RBFOX3: variants seen among roughly 807,000 people sequenced by gnomAD.
RBFOX3 encodes RNA binding fox-1 homolog 3.
In RBFOX3, 17 loss-of-function variants were observed where a neutral mutation model predicts 48.7. The observed-to-expected ratio is 0.35, with a 90% CI of 0.24 to 0.52. The LOEUF (loss-of-function observed/expected upper bound fraction) is 0.52. Among genes scored for constraint, RBFOX3 ranks in the 20% least tolerant of loss-of-function variants. The pLI, the probability that RBFOX3 is intolerant of heterozygous loss-of-function variation, is 0.94. For synonymous variants in RBFOX3, 212 were observed against 209.5 expected, an observed-to-expected ratio of 1.01 and a Z score of -0.10; for missense variants, 382 against 497.5, an observed-to-expected ratio of 0.77 and a Z score of 2.21.
At chr17:79,096,337 C>A (rs576964137) in intron 12 of RBFOX3, among the ~76,000 whole-genome samples, 1 of 152,296 alleles carries the variant, frequency 6.6e-6, no homozygotes, top group East Asian at 1.9e-4. Flanking sequence ...CTGACCGCAG[C>A]GTGGTTAGGG....
At chr17:79,417,142 G>A (rs981146996) in intron 2 of RBFOX3, among the ~76,000 whole-genome samples, 9 of 152,226 alleles carry the variant, frequency 5.9e-5, no homozygotes, top group Admixed American at 2.0e-4. Flanking sequence ...GGAAAGGGGA[G>A]AAGTGGCTGT....
At chr17:79,422,330 C>T (rs910268983) in intron 2 of RBFOX3, among the ~76,000 whole-genome samples, 2 of 151,958 alleles carry the variant, frequency 1.3e-5, no homozygotes, top group East Asian at 1.9e-4. Context: ...GATGCCCAAC[C>T]CCCCTCCCCA....
chr17:79,118,505 G>A (rs2034733180), intron 4 of RBFOX3, among the ~76,000 whole-genome samples: 1 of 152,118 alleles, frequency 6.6e-6, no homozygotes. Flanking sequence ...AACCCAGGAT[G>A]GCCAGAGGCA....
chr17:79,275,584 C>G (rs1353338992), intron 3 of RBFOX3, among the ~76,000 whole-genome samples: 1 of 152,216 alleles, frequency 6.6e-6, no homozygotes, highest in Non-Finnish European at 1.5e-5. Context: ...GGGCCCCTCC[C>G]CAATGGACAC....
At chr17:79,397,668 T>A (rs900783366) in intron 2 of RBFOX3, among the ~76,000 whole-genome samples, 1 of 150,674 alleles carries the variant, frequency 6.6e-6, no homozygotes, top group Non-Finnish European at 1.5e-5. Flanking sequence ...CTCACTGACA[T>A]CTTTTCCTTT....
intron 2 of RBFOX3, among the ~76,000 whole-genome samples, chr17:79,436,959 C>T (rs553174977): frequency 4.6e-5 from 7 of 152,186 alleles, no homozygotes; most frequent in African/African-American, 9.7e-5. Context: ...TGGCCAGAGC[C>T]GCCATCTTCT....
At chr17:79,389,635 T>C (rs766030594) in intron 2 of RBFOX3, among the ~76,000 whole-genome samples, 5 of 152,190 alleles carry the variant, frequency 3.3e-5, no homozygotes, top group Admixed American at 2.0e-4. Flanking sequence ...CACATGAGCA[T>C]GCTGGGCCGG....
intron 2 of RBFOX3, among the ~76,000 whole-genome samples, chr17:79,372,903 T>A (rs1444204969): frequency 6.6e-6 from 1 of 152,102 alleles, no homozygotes; most frequent in African/African-American, 2.4e-5. Context: ...GAAATGAGTC[T>A]ATAACGCAGA....
chr17:79,374,771 G>A (rs1196325970), intron 2 of RBFOX3, among the ~76,000 whole-genome samples: 4 of 152,186 alleles, frequency 2.6e-5, no homozygotes, highest in African/African-American at 9.7e-5. Context: ...TAGCAAAAGG[G>A]TTATTTTCTG....
Position 79,216,655 on chromosome 17 carries a change from C to G in RBFOX3, c.-34+19111G>C, listed in dbSNP as rs74001690. 4.1e-3 allele frequency among the ~76,000 whole-genome samples: 619 copies of G among 152,278 alleles called. 3 individuals are homozygous for G. The highest frequency in any genetic ancestry group is 0.014 in the African/African-American group (595 of 41,564). ...GCAGTGAGCAGAACCCAGGTGGGGACAGGGTCACATGCCCACCCGTTCTGG... is the reference window on the plus strand; with the variant it reads ...GCAGTGAGCAGAACCCAGGTGGGGAGAGGGTCACATGCCCACCCGTTCTGG... On this transcript the variant is annotated intron_variant, in intron 4 of 14. Transcript: ENST00000693108.
intron 1 of RBFOX3, among the ~76,000 whole-genome samples, chr17:79,524,706 A>G (rs889831422): frequency 0.13 from 19,213 of 152,198 alleles, 3,715 homozygotes; most frequent in African/African-American, 0.42. Context: ...CGTGGAGCAG[A>G]CACGGGCACT....
At chr17:79,620,685 A>ACACACACG in the RBFOX3 span, among the ~76,000 whole-genome samples, 4 of 150,034 alleles carry the variant, frequency 2.7e-5, no homozygotes, top group African/African-American at 1.0e-4. Flanking sequence ...ACGCACATGC[A>ACACACACG]CACATGTGCC....
At chr17:79,318,239 A>C (rs2077816030) in intron 2 of RBFOX3, among the ~76,000 whole-genome samples, 1 of 152,194 alleles carries the variant, frequency 6.6e-6, no homozygotes, top group African/African-American at 2.4e-5. Flanking sequence ...CTCAGCCAGC[A>C]GCCAAGAAGT....
At chr17:79,376,570 C>CA (rs1313165917) in intron 2 of RBFOX3, among the ~76,000 whole-genome samples, 2 of 152,166 alleles carry the variant, frequency 1.3e-5, no homozygotes, top group African/African-American at 4.8e-5. Context: ...CCACCGTGAG[C>CA]AAATTGACTC....
At chr17:79,386,353 C>T (rs919290186) in intron 2 of RBFOX3, among the ~76,000 whole-genome samples, 1 of 152,096 alleles carries the variant, frequency 6.6e-6, no homozygotes, top group African/African-American at 2.4e-5. Context: ...GATGAAGGCT[C>T]CACGATTTCC....
chr17:79,661,536 G>A, the RBFOX3 span, among the ~76,000 whole-genome samples: 1 of 152,198 alleles, frequency 6.6e-6, no homozygotes, highest in Non-Finnish European at 1.5e-5. Flanking sequence ...GCTTGAAGTT[G>A]TGAAAAACAG....
At chr17:79,602,856 C>T (rs1403227769) in intron 1 of RBFOX3, among the ~76,000 whole-genome samples, 1 of 152,130 alleles carries the variant, frequency 6.6e-6, no homozygotes, top group Non-Finnish European at 1.5e-5. Flanking sequence ...AGGCCATGAT[C>T]CTGCTTCCTT....
At chr17:79,201,198 C>T (rs1465168512) in intron 4 of RBFOX3, among the ~76,000 whole-genome samples, 1 of 152,214 alleles carries the variant, frequency 6.6e-6, no homozygotes, top group African/African-American at 2.4e-5. Flanking sequence ...CCCTGACACA[C>T]AGAGTCCGTC....
chr17:79,367,535 G>A (rs1479256914), intron 2 of RBFOX3, among the ~76,000 whole-genome samples: 1 of 152,098 alleles, frequency 6.6e-6, no homozygotes, highest in Non-Finnish European at 1.5e-5. Flanking sequence ...GAGAGACCGA[G>A]ACAAGAGAAG....
Sources: gnomAD v4.1 joint callset for allele counts (sites outside exome capture counted in the v4.1 genomes callset) on GRCh38, gnomAD v4.1.1 for gene constraint, MANE v1.5 for transcripts, NCBI Gene and HGNC (gene_info 2026-07-23, HGNC 2026-07-21) for gene names.